Variants in ATG4C observed in about 807,000 individuals in gnomAD.
ATG4C encodes the protein cysteine protease ATG4C.
Under a neutral mutation model 57.6 loss-of-function variants are expected in ATG4C, and 56 were observed. The ratio of observed to expected loss-of-function variants is 0.97; its 90% CI spans 0.78 to 1.21. The LOEUF (loss-of-function observed/expected upper bound fraction) is 1.21. Among genes scored for constraint, ATG4C ranks in the 50% most tolerant of loss-of-function variants. The pLI, the probability that ATG4C is intolerant of heterozygous loss-of-function variation, is 0.00. For missense variants in ATG4C, 595 were observed against 529.8 expected (o/e 1.12, Z -1.21); for synonymous variants, 157 against 174.1 (o/e 0.90, Z 0.78).
chr1:62,856,842 G>C (rs1666698988), intron 10 of ATG4C, among the ~76,000 whole-genome samples: 2 of 152,236 alleles, frequency 1.3e-5, no homozygotes, highest in South Asian at 4.2e-4. Context: ...AATGTTGGGG[G>C]AAATCTATGG....
chr1:62,861,501 G>A (rs1427827621), intron 10 of ATG4C, among the ~76,000 whole-genome samples: 1 of 151,680 alleles, frequency 6.6e-6, no homozygotes, highest in Non-Finnish European at 1.5e-5. Flanking sequence ...GCCGTGAGCC[G>A]TGATCATGCC....
intron 1 of ATG4C, among the ~76,000 whole-genome samples, chr1:62,790,808 A>G (rs1664251722): frequency 6.6e-6 from 1 of 152,240 alleles, no homozygotes; most frequent in South Asian, 2.1e-4. Flanking sequence ...GAAAAGTGAC[A>G]TCAAGTGATT....
chr1:62,798,782 T>C (rs952940281), intron 1 of ATG4C, among the ~76,000 whole-genome samples: 11 of 152,050 alleles, frequency 7.2e-5, no homozygotes, highest in Non-Finnish European at 1.6e-4. Context: ...GTAGCTGGGA[T>C]TACAGGCATG....
Position 62,816,709 on chromosome 1 carries a change from G to T in ATG4C, c.295G>T (p.Glu99Ter). 1 of 1,613,884 alleles carries T rather than the reference G, an allele frequency of 6.2e-7. No homozygotes were observed. The highest frequency in any genetic ancestry group is 8.5e-7 in the Non-Finnish European group (1 of 1,179,878). The change falls in exon 4 of 11, where the codon GAA becomes TAA. Residue 99 changes from glutamate to a stop codon, truncating the protein, a stop_gained. Transcript: ENST00000317868. LOFTEE classifies it high-confidence loss of function. ...LTYREEFPQI[E>*]GSALTTDCGW... ...CTACAGGGAAGAATTCCCTCAAATA[G>T]AAGGCTCAGCTTTGACAACAGACTG...
chr1:62,829,702 G>A (rs1460589503), intron 7 of ATG4C, among the ~76,000 whole-genome samples: 1 of 151,892 alleles, frequency 6.6e-6, no homozygotes, highest in Non-Finnish European at 1.5e-5. Flanking sequence ...TTAAAAATCG[G>A]TTCTTTCTTG....
At chr1:62,792,181 GA>G (rs1309527121) in intron 1 of ATG4C, among the ~76,000 whole-genome samples, 3 of 151,878 alleles carry the variant, frequency 2.0e-5, no homozygotes, top group African/African-American at 7.3e-5. Flanking sequence ...ATTTTTAGTA[GA>G]GACAGGGTTT....
At chr1:62,810,018 T>C (rs1665023672) in intron 3 of ATG4C, among the ~76,000 whole-genome samples, 1 of 144,958 alleles carries the variant, frequency 6.9e-6, no homozygotes, top group Non-Finnish European at 1.5e-5. Context: ...CCTAGAAAAA[T>C]AGAGAATATG....
chr1:62,840,564 A>C (rs1423683234), intron 9 of ATG4C, among the ~76,000 whole-genome samples: 5 of 152,234 alleles, frequency 3.3e-5, no homozygotes, highest in Admixed American at 6.5e-5. Context: ...TAAGCATTAA[A>C]AAAATTTTTA....
rs1665287148 is a variant in ATG4C at position 62,816,731 on chromosome 1, A to G, written c.317A>G (p.Asp106Gly). ...ATAGAAGGCTCAGCTTTGACAACAG[A>G]CTGTGGGTGGGGCTGCACATTGAGA... ...PQIEGSALTT[D>G]CGWGCTLRTG... The change falls in exon 4 of 11, where the codon GAC becomes GGC. Residue 106 changes from aspartate (D) to glycine (G), a missense_variant. Transcript: ENST00000317868. 1.9e-6 allele frequency: 3 copies of G among 1,613,838 alleles called. No individual in the cohort carries two copies. Among genetic ancestry groups the G allele is most frequent in the Non-Finnish European group, 2.5e-6 (3 of 1,179,870 alleles).
chr1:62,818,876 G>C, intron 4 of ATG4C, 129 bp from the exon 5 acceptor site: 1 of 694,824 alleles, frequency 1.4e-6, no homozygotes, highest in South Asian at 2.4e-5. Flanking sequence ...TTGTTTCCAT[G>C]TATTTACCTA....
intron 1 of ATG4C, among the ~76,000 whole-genome samples, chr1:62,803,168 T>C (rs560432641): frequency 6.6e-6 from 1 of 152,288 alleles, no homozygotes; most frequent in African/African-American, 2.4e-5. Flanking sequence ...GTTCTGTTTG[T>C]TTAAGTGCTG....
At chr1:62,855,552 T>G (rs774953270) in intron 10 of ATG4C, among the ~76,000 whole-genome samples, 11 of 152,168 alleles carry the variant, frequency 7.2e-5, no homozygotes, top group Non-Finnish European at 1.5e-4. Flanking sequence ...GGGGAAAAAT[T>G]TACATGTGGC....
chr1:62,850,207 A>G (rs1458293055), intron 10 of ATG4C, among the ~76,000 whole-genome samples: 1 of 152,160 alleles, frequency 6.6e-6, no homozygotes, highest in Non-Finnish European at 1.5e-5. Flanking sequence ...CACAAACCCC[A>G]TGTCGTATGC....
At position 62,819,264 on chromosome 1, in the gene ATG4C, A is replaced by T. The variant is rs1444567911; in HGVS notation, c.654A>T (p.Ile218=). The T allele has an allele frequency of 2.5e-6, 4 of 1,613,166 alleles. No homozygotes were observed. In the Admixed American group the frequency reaches 6.7e-5, roughly 27 times the overall value. ...CTCTTTTTGGCTTACATCAACTAAT[A>T]GAATATGGAAAGAAGTCTGGGAAAA... ...PLALFGLHQL[I]EYGKKSGKKA... The change falls in exon 5 of 11, where the codon ATA becomes ATT. Residue 218 remains isoleucine, a synonymous_variant. Coordinates refer to ENST00000317868, the MANE Select transcript of ATG4C (RefSeq NM_032852.4).
chr1:62,784,822 G>A (rs952683291), intron 1 of ATG4C, among the ~76,000 whole-genome samples: 5 of 152,000 alleles, frequency 3.3e-5, no homozygotes, highest in African/African-American at 7.3e-5. Flanking sequence ...CCCGCTCACC[G>A]TGAACTCTCC....
chr1:62,844,681 G>A (rs1387930257), intron 10 of ATG4C, among the ~76,000 whole-genome samples: 1 of 151,904 alleles, frequency 6.6e-6, no homozygotes, highest in Non-Finnish European at 1.5e-5. Context: ...ATTAATAAGT[G>A]TGTTATCTTC....
chr1:62,843,244 T>G (rs531960445), intron 10 of ATG4C, among the ~76,000 whole-genome samples: 1 of 152,304 alleles, frequency 6.6e-6, no homozygotes, highest in East Asian at 1.9e-4. Flanking sequence ...AAATTATTAT[T>G]CTTGAGCATC....
intron 10 of ATG4C, among the ~76,000 whole-genome samples, chr1:62,848,603 A>G (rs1444506181): frequency 2.0e-5 from 3 of 152,196 alleles, no homozygotes; most frequent in African/African-American, 7.2e-5. Context: ...TTCCTGAACC[A>G]TTTGAGAATA....
At chr1:62,847,583 A>C (rs1427047440) in intron 10 of ATG4C, among the ~76,000 whole-genome samples, 3 of 152,178 alleles carry the variant, frequency 2.0e-5, no homozygotes, top group Non-Finnish European at 4.4e-5. Context: ...ATTTAAATCT[A>C]CCACACAATG....
Sources: gnomAD v4.1 joint callset for allele counts (sites outside exome capture counted in the v4.1 genomes callset) on GRCh38, gnomAD v4.1.1 for gene constraint, MANE v1.5 for transcripts, NCBI Gene and HGNC (gene_info 2026-07-23, HGNC 2026-07-21) for gene names.